The following SGCD variants were observed in gnomAD, a reference collection of about 807,000 sequenced individuals.
SGCD encodes the protein delta-sarcoglycan.
A neutral mutation model predicts 36.6 loss-of-function variants in SGCD; 18 were observed. The observed-to-expected ratio is 0.49, with a 90% confidence interval of 0.34 to 0.73. SGCD has a LOEUF of 0.73. Ranked by LOEUF, SGCD falls within the 30% of genes least tolerant of loss-of-function variation. SGCD has a pLI of 0.01. For synonymous variants in SGCD, 133 were observed against 130.6 expected (o/e 1.02, Z -0.12); for missense variants, 387 against 346.7 (o/e 1.12, Z -0.92).
chr5:155,899,473 C>CAGCT (rs1292325435), intron 1 of SGCD, among the ~76,000 whole-genome samples: 1 of 152,176 alleles, frequency 6.6e-6, no homozygotes, highest in Non-Finnish European at 1.5e-5. Flanking sequence ...GCAGAAGCAT[C>CAGCT]AGCTGTAACC....
the SGCD span, among the ~76,000 whole-genome samples, chr5:155,865,040 T>A: frequency 1.3e-5 from 2 of 151,888 alleles, no homozygotes; most frequent in Admixed American, 6.6e-5. Context: ...TAAAACCTAT[T>A]GAGGACCCCA....
chr5:155,853,968 T>C, the SGCD span, among the ~76,000 whole-genome samples: 1 of 152,218 alleles, frequency 6.6e-6, no homozygotes, highest in African/African-American at 2.4e-5. Context: ...GTAGGGATGG[T>C]TACCCAGCAT....
rs1439899446 is a variant in SGCD, at chr5:156,344,691, T to A, written c.192+14T>A. On this transcript the variant is annotated intron_variant, in intron 3 of 8. Coordinates refer to ENST00000337851, the MANE Select transcript of SGCD (RefSeq NM_000337.6). ...AACTTCACAATTGTAAGTAAAACCA[T>A]CTAGGTTTGTTTAGCTTTCTTCCGG... is the stretch of plus-strand genomic sequence containing the variant. 11 of 1,583,002 alleles carry A rather than the reference T, an allele frequency of 6.9e-6. No homozygotes were observed. The highest frequency in any genetic ancestry group is 9.5e-6 in the Non-Finnish European group (11 of 1,163,166).
At chr5:156,639,181 T>C (rs1231586188) in intron 6 of SGCD, among the ~76,000 whole-genome samples, 1 of 152,114 alleles carries the variant, frequency 6.6e-6, no homozygotes, top group African/African-American at 2.4e-5. Context: ...TGTGTGTGTA[T>C]ATACACACAT....
intron 7 of SGCD, among the ~76,000 whole-genome samples, chr5:156,663,104 C>A (rs1437803631): frequency 6.7e-6 from 1 of 150,146 alleles, no homozygotes; most frequent in Non-Finnish European, 1.5e-5. Flanking sequence ...ACTCGTGGGG[C>A]TATATAATGG....
intron 2 of SGCD, among the ~76,000 whole-genome samples, chr5:156,338,708 A>G (rs947237095): frequency 6.6e-6 from 1 of 152,156 alleles, no homozygotes; most frequent in African/African-American, 2.4e-5. Context: ...CACAGTGGGT[A>G]GGATTTGCAT....
At chr5:155,850,032 T>C in the SGCD span, among the ~76,000 whole-genome samples, 2 of 152,198 alleles carry the variant, frequency 1.3e-5, no homozygotes, top group Admixed American at 6.5e-5. Flanking sequence ...GCTTGTTTGT[T>C]ATTTGCTGTT....
chr5:156,133,255 C>A (rs2127607117), intron 3 of SGCD, among the ~76,000 whole-genome samples: 1 of 152,182 alleles, frequency 6.6e-6, no homozygotes, highest in South Asian at 2.1e-4. Flanking sequence ...ATGTGAAGGT[C>A]AAAGCAGATT....
chr5:156,201,099 A>C (rs188445310), intron 3 of SGCD, among the ~76,000 whole-genome samples: 1 of 152,190 alleles, frequency 6.6e-6, no homozygotes, highest in African/African-American at 2.4e-5. Context: ...GGCAGGGAGA[A>C]GGAATTATTG....
At chr5:155,808,446 CAG>C in the SGCD span, among the ~76,000 whole-genome samples, 8 of 152,314 alleles carry the variant, frequency 5.3e-5, no homozygotes, top group East Asian at 1.5e-3. Flanking sequence ...CAATGAGAGA[CAG>C]AGACACCAGC....
chr5:156,101,650 A>G (rs1015060035), intron 1 of SGCD, among the ~76,000 whole-genome samples: 2 of 152,158 alleles, frequency 1.3e-5, no homozygotes, highest in African/African-American at 4.8e-5. Context: ...TATTGCTTAA[A>G]TTACACAGCA....
the SGCD span, among the ~76,000 whole-genome samples, chr5:155,786,657 T>C: frequency 9.6e-3 from 1,462 of 152,260 alleles, 24 homozygotes; most frequent in African/African-American, 0.034. Context: ...ATCGCTTCTC[T>C]TACTGTCATC....
At chr5:155,813,452 G>C in the SGCD span, among the ~76,000 whole-genome samples, 1 of 152,176 alleles carries the variant, frequency 6.6e-6, no homozygotes, top group South Asian at 2.1e-4. Context: ...TTGCCAGCTA[G>C]AGAATAAAAA....
the SGCD span, among the ~76,000 whole-genome samples, chr5:155,773,072 G>A: frequency 6.6e-6 from 1 of 152,168 alleles, no homozygotes; most frequent in Non-Finnish European, 1.5e-5. Flanking sequence ...GCCTAGTCCT[G>A]CCCACAGGGT....
At chr5:156,396,608 T>C (rs1771864009) in intron 3 of SGCD, among the ~76,000 whole-genome samples, 2 of 152,080 alleles carry the variant, frequency 1.3e-5, no homozygotes, top group African/African-American at 4.8e-5. Flanking sequence ...GTGTGGAGCA[T>C]GGTAGGGTAG....
intron 3 of SGCD, among the ~76,000 whole-genome samples, chr5:156,237,374 C>T (rs548367166): frequency 1.3e-5 from 2 of 152,106 alleles, no homozygotes; most frequent in African/African-American, 4.8e-5. Context: ...CCTGTAATCT[C>T]AGCACTTTGG....
rs397883573 is a variant in SGCD, at chr5:156,449,677, C to CAAAAA, written c.193-58903_193-58899dup. Among the ~76,000 whole-genome samples, 181 of 46,050 alleles carry CAAAAA rather than the reference C, an allele frequency of 3.9e-3. 5 individuals are homozygous for CAAAAA. Among genetic ancestry groups the CAAAAA allele is most frequent in the South Asian group, 4.3e-3 (4 of 936 alleles). The allele number at this position is 46,050 out of a possible 152,430, so 30.2% of individuals were successfully genotyped here. On this transcript the variant is annotated intron_variant, in intron 3 of 8. Transcript: ENST00000337851. ...TGAAACTCCGTCTCTACTAAAAATA[C>CAAAAA]AAAAAAAAAAAAAAAAAAAAAAAAA...
the SGCD span, among the ~76,000 whole-genome samples, chr5:155,854,930 A>T: frequency 6.6e-6 from 1 of 152,154 alleles, no homozygotes; most frequent in African/African-American, 2.4e-5. Flanking sequence ...AAGAAGCTTT[A>T]AAAAAGTCCA....
the SGCD span, among the ~76,000 whole-genome samples, chr5:155,728,182 C>T: frequency 5.9e-5 from 9 of 152,076 alleles, no homozygotes; most frequent in Non-Finnish European, 1.2e-4. Context: ...GCCGCCCCCA[C>T]CCGCGGCTCG....
Sources: allele counts gnomAD v4.1 joint callset (sites outside exome capture counted in the v4.1 genomes callset), GRCh38; gene constraint gnomAD v4.1.1; transcripts MANE v1.5; gene names NCBI Gene and HGNC (gene_info 2026-07-23, HGNC 2026-07-21).